Variants in SENP6 observed in about 807,000 individuals in gnomAD.
SENP6 encodes the protein sentrin-specific protease 6.
SENP6 carries 41 observed loss-of-function variants against 134.5 expected under a neutral mutation model. That is an observed-to-expected ratio of 0.30 (90% CI 0.24 to 0.40). The LOEUF (loss-of-function observed/expected upper bound fraction) is 0.40. Among genes scored for constraint, SENP6 ranks in the 10% least tolerant of loss-of-function variants. The pLI is 1.00. For missense variants in SENP6, 1,248 were observed against 1,312.5 expected (o/e 0.95, Z 0.76); for synonymous variants, 395 against 429.8 (o/e 0.92, Z 1.00).
chr6:75,620,688 CAGAA>C (rs1429029382), intron 1 of SENP6: 2 of 152,208 alleles, frequency 1.3e-5, no homozygotes, highest in Non-Finnish European at 2.9e-5. Flanking sequence ...TAGTTCAACT[CAGAA>C]AGCCAGAGCC....
In SENP6 at chr6:75,602,130, T is replaced by G; in HGVS notation, c.-395T>G. Reference sequence around the variant, plus strand: ...ACGGCCTGGGACGAAGGGAGGCGTGTTTGTGTGCTCGCTTTCATTCTCCTT... The same window carrying G: ...ACGGCCTGGGACGAAGGGAGGCGTGGTTGTGTGCTCGCTTTCATTCTCCTT... On this transcript the variant is annotated 5_prime_UTR_variant, in exon 1 of 24. Coordinates refer to ENST00000447266, the MANE Select transcript of SENP6 (RefSeq NM_015571.4). 6.0e-6 allele frequency: 1 copy of G among 167,124 alleles called. No individual in the cohort carries two copies. 10.4% of individuals were successfully genotyped at this position (167,124 alleles called of 1,614,324 possible). A position where few individuals can be genotyped will look rare whatever the true frequency, so the allele number is the denominator to read the frequency against.
At chr6:75,602,599 C>T (rs2297698) in intron 1 of SENP6, 23 bp downstream of exon 1, 33,576 of 1,548,718 alleles carry the variant, frequency 0.022, 538 homozygotes, top group East Asian at 0.092. Context: ...CTGCCCTTGA[C>T]GGGGAGAAGG....
At chr6:75,707,447 G>GCTACCT (rs1449983868) in intron 19 of SENP6, among the ~76,000 whole-genome samples, 1 of 130,592 alleles carries the variant, frequency 7.7e-6, no homozygotes, top group Non-Finnish European at 1.5e-5. Flanking sequence ...CACTGAAGCC[G>GCTACCT]CTACCTCCTG....
At chr6:75,623,779 C>T (rs1464137400) in intron 2 of SENP6, 121 bp from the exon 3 acceptor site, 13 of 731,490 alleles carry the variant, frequency 1.8e-5, no homozygotes, top group South Asian at 4.0e-5. Flanking sequence ...TGTGGTTTGG[C>T]CCTTTACAGA....
chr6:75,713,545 G>A lies in SENP6; in HGVS notation c.2942G>A (p.Gly981Asp). The stretch of plus-strand genomic sequence containing the variant: ...ATCCTACTTATGGACTCACTCCGAG[G>A]CCCTTCTCGGTCAAATGTTGTCAAA... ...PCILLMDSLR[G>D]PSRSNVVKIL... is the part of the protein sequence containing the mutation. The change falls in exon 22 of 24, where the codon GGC (glycine) becomes GAC (aspartate). Residue 981 changes from glycine (G) to aspartate (D), a missense_variant. By Grantham distance (94) the Gly-to-Asp change is moderately conservative. This residue lies in a region of SENP6 where 386 missense variants were observed against 395.0 expected (regional missense o/e 0.98). Transcript: ENST00000447266. The A allele has an allele frequency of 6.2e-7, 1 of 1,613,692 alleles. No homozygotes were observed. Among genetic ancestry groups the A allele is most frequent in the Non-Finnish European group, 8.5e-7 (1 of 1,179,818 alleles).
chr6:75,713,723 T>TTC lies in SENP6; in HGVS notation c.3028_3029dup (p.Lys1011ProfsTer5). ...TTAAAAAAGGAAGCAAAAGAAGTTT[T>TTC]TCCAAAGATGTTATGAAGGGCTCTA... is the stretch of plus-strand genomic sequence containing the variant. On this transcript the variant is annotated frameshift_variant, in exon 23 of 24. Coordinates refer to ENST00000447266, the MANE Select transcript of SENP6 (RefSeq NM_015571.4). LOFTEE classifies it high-confidence loss of function. 1 of 1,613,352 alleles carries TTC rather than the reference T, an allele frequency of 6.2e-7. No homozygotes were observed. The highest frequency in any genetic ancestry group is 8.5e-7 in the Non-Finnish European group (1 of 1,179,544).
intron 1 of SENP6, among the ~76,000 whole-genome samples, chr6:75,605,466 A>G (rs1425993378): frequency 2.0e-5 from 3 of 152,236 alleles, no homozygotes; most frequent in Admixed American, 6.5e-5. Flanking sequence ...CAGATGATAA[A>G]CAGTATGATA....
At chr6:75,678,714 TG>T in intron 15 of SENP6, 22 bp downstream of exon 15, 1 of 1,420,364 alleles carries the variant, frequency 7.0e-7, no homozygotes, top group Non-Finnish European at 9.9e-7. Context: ...CCTTTATATT[TG>T]CAATGATCTT....
At chr6:75,704,662 G>A (rs905570170) in intron 19 of SENP6, among the ~76,000 whole-genome samples, 9 of 152,196 alleles carry the variant, frequency 5.9e-5, no homozygotes, top group African/African-American at 1.7e-4. Context: ...CCCTTCACGG[G>A]TGTTGGGCTG....
At chr6:75,684,236 C>T (rs544776241) in intron 16 of SENP6, among the ~76,000 whole-genome samples, 83 of 152,198 alleles carry the variant, frequency 5.5e-4, no homozygotes, top group Non-Finnish European at 8.5e-4. Flanking sequence ...GTGATTTTTG[C>T]ACATTGATTT....
At chr6:75,607,107 G>A (rs186774836) in intron 1 of SENP6, among the ~76,000 whole-genome samples, 1 of 152,242 alleles carries the variant, frequency 6.6e-6, no homozygotes, top group African/African-American at 2.4e-5. Context: ...CAGCATTTTG[G>A]GAGGCCAAGT....
At chr6:75,647,642 A>G in intron 6 of SENP6, 89 bp from the exon 7 acceptor site, 1 of 755,676 alleles carries the variant, frequency 1.3e-6, no homozygotes, top group Non-Finnish European at 2.2e-6. Flanking sequence ...ATTTGCTTTT[A>G]ATAGGCTTAT....
chr6:75,694,847 T>A (rs1251171190), intron 16 of SENP6, among the ~76,000 whole-genome samples: 1 of 152,120 alleles, frequency 6.6e-6, no homozygotes, highest in East Asian at 1.9e-4. Flanking sequence ...TACTCTAGAT[T>A]TAGAGTGTGC....
intron 16 of SENP6, among the ~76,000 whole-genome samples, chr6:75,685,511 G>GAAAGCACTAAATTAA (rs1773770231): frequency 6.6e-6 from 1 of 152,068 alleles, no homozygotes; most frequent in South Asian, 2.1e-4. Context: ...GCTTTCTCTT[G>GAAAGCACTAAATTAA]TGGGCATTTA....
At chr6:75,708,938 T>G (rs1775585528) in intron 19 of SENP6, among the ~76,000 whole-genome samples, 1 of 152,134 alleles carries the variant, frequency 6.6e-6, no homozygotes, top group African/African-American at 2.4e-5. Flanking sequence ...GAAATGGTAG[T>G]AAATCTTACA....
chr6:75,653,594 G>A (rs948039835), intron 7 of SENP6, among the ~76,000 whole-genome samples: 1 of 151,076 alleles, frequency 6.6e-6, no homozygotes, highest in African/African-American at 2.4e-5. Context: ...AATGCCTACT[G>A]AAGTATTTAA....
At chr6:75,640,061 A>G (rs1198573048) in intron 5 of SENP6, among the ~76,000 whole-genome samples, 4 of 152,158 alleles carry the variant, frequency 2.6e-5, no homozygotes, top group Admixed American at 2.6e-4. Context: ...AGATATTGAG[A>G]ATTATGTCCA....
intron 7 of SENP6, 148 bp downstream of exon 7, chr6:75,647,949 T>A: frequency 2.1e-6 from 1 of 477,830 alleles, no homozygotes; most frequent in Admixed American, 3.9e-5. Flanking sequence ...TTTGAGAATT[T>A]CTTCAATGGT....
chr6:75,621,381 T>G (rs996393660), intron 1 of SENP6, 151 bp from the exon 2 acceptor site: 1 of 559,192 alleles, frequency 1.8e-6, no homozygotes, highest in Non-Finnish European at 3.2e-6. Context: ...TTTTTCTCTT[T>G]GGAGGAAATC....
Sources: gnomAD v4.1 joint callset for allele counts (sites outside exome capture counted in the v4.1 genomes callset) on GRCh38, gnomAD v4.1.1 for gene constraint, gnomAD v4.1.1 regional missense constraint, MANE v1.5 for transcripts, NCBI Gene and HGNC (gene_info 2026-07-23, HGNC 2026-07-21) for gene names.